UTP6: variants seen among roughly 807,000 people sequenced by gnomAD.
UTP6 encodes the protein U3 small nucleolar RNA-associated protein 6 homolog.
UTP6 carries 60 observed loss-of-function variants against 96.5 expected under a neutral mutation model. The observed-to-expected ratio is 0.62, with a 90% CI of 0.51 to 0.77. The LOEUF (loss-of-function observed/expected upper bound fraction) is 0.77. UTP6 is among the 30% of genes least tolerant of loss of function. The pLI is 0.00. For synonymous variants in UTP6, 215 were observed against 240.1 expected, an observed-to-expected ratio of 0.90 and a Z score of 0.96; for missense variants, 637 against 706.5, an observed-to-expected ratio of 0.90 and a Z score of 1.12.
Position 31,886,054 on chromosome 17 carries a change from G to A in UTP6, c.629C>T (p.Pro210Leu), listed in dbSNP as rs763880502. Reference sequence around the variant, plus strand: ...CTTAAGGATTTCTTCAGAATAATCAGGATTCTCCTAAAGAGTGTTATATCA... The same window carrying A: ...CTTAAGGATTTCTTCAGAATAATCAAGATTCTCCTAAAGAGTGTTATATCA... The part of the protein sequence containing the change: ...FEKASMDVEN[P>L]DYSEEILKGE... The change falls in exon 9 of 19, where the codon CCT (proline) becomes CTT (leucine). Residue 210 changes from proline (P) to leucine (L), a missense_variant. Pro to Leu is a moderately conservative substitution (Grantham distance 98, BLOSUM62 -3). Transcript: ENST00000261708. 9.3e-6 allele frequency: 15 copies of A among 1,613,102 alleles called. No homozygotes were observed. In the East Asian group the frequency reaches 3.3e-4, roughly 36 times the overall value.
rs529812932 is a variant in UTP6 at position 31,893,862 on chromosome 17, C to T, written c.312+783G>A. Among the ~76,000 whole-genome samples the T allele has an allele frequency of 2.0e-5, 3 of 152,156 alleles. No homozygotes were observed. The South Asian group carries it at 6.2e-4, about 32-fold the overall frequency. On this transcript the variant is annotated intron_variant, in intron 4 of 18. Transcript: ENST00000261708. ...AATTCAACCTTTCCCCCAACTCCCACTCACAATGCTCCAAAAAAACTTTGT... is the reference window on the plus strand; with the variant it reads ...AATTCAACCTTTCCCCCAACTCCCATTCACAATGCTCCAAAAAAACTTTGT...
In UTP6 at chr17:31,886,035, G is replaced by A; in HGVS notation, c.648C>T (p.Ile216=). Residue 216 remains isoleucine (I), a synonymous_variant, in exon 9 of 19, where the codon ATC becomes ATT. Coordinates refer to ENST00000261708, the MANE Select transcript of UTP6 (RefSeq NM_018428.3). Reference sequence around the variant, plus strand: ...TGATCCATGCCAACTCGCCCTTAAGGATTTCTTCAGAATAATCAGGATTCT... The same window carrying A: ...TGATCCATGCCAACTCGCCCTTAAGAATTTCTTCAGAATAATCAGGATTCT... ...DVENPDYSEE[I]LKGELAWIIY... 6.2e-7 allele frequency: 1 copy of A among 1,613,756 alleles called. No individual in the cohort carries two copies. The highest frequency in any genetic ancestry group is 8.5e-7 in the Non-Finnish European group (1 of 1,179,922).
chr17:31,878,190 A>G, intron 13 of UTP6, 60 bp downstream of exon 13: 1 of 1,562,250 alleles, frequency 6.4e-7, no homozygotes, highest in Non-Finnish European at 8.8e-7. Flanking sequence ...TGACTCTGGC[A>G]CAAAACAACT....
At chr17:31,881,171 A>C (rs542453299) in intron 10 of UTP6, among the ~76,000 whole-genome samples, 2 of 145,406 alleles carry the variant, frequency 1.4e-5, no homozygotes, top group East Asian at 4.0e-4. Flanking sequence ...ACTCTGTCTC[A>C]AAAAAAAAAA....
chr17:31,863,378 T>C lies in UTP6; in HGVS notation c.1775A>G (p.His592Arg), dbSNP rs567410999. 4 of 1,613,908 alleles carry C rather than the reference T, an allele frequency of 2.5e-6. No homozygotes were observed. In the Admixed American group the frequency reaches 5.0e-5, roughly 20 times the overall value. ...AEAFVAKHAM[H>R]QTGHL is the part of the protein sequence containing the mutation. ...TCATCTTCATAAATGGCCAGTCTGA[T>C]GCATAGCATGTTTAGCTACAAATGC... Residue 592 changes from histidine to arginine, a missense_variant, in exon 19 of 19, where the codon CAT becomes CGT. His to Arg is a conservative substitution (Grantham distance 29). Transcript: ENST00000261708.
At chr17:31,890,918 CAG>C (rs1433810266) in intron 6 of UTP6, among the ~76,000 whole-genome samples, 3 of 151,996 alleles carry the variant, frequency 2.0e-5, no homozygotes, top group Non-Finnish European at 4.4e-5. Flanking sequence ...ACCCAGGAGA[CAG>C]AGGTTGCAGT....
In UTP6 at chr17:31,873,537, T is replaced by C. The variant is rs751611508; in HGVS notation, c.1387-50A>G. 2.3e-5 allele frequency: 37 copies of C among 1,606,970 alleles called. No individual in the cohort carries two copies. In the East Asian group the frequency reaches 7.1e-4, roughly 31 times the overall value. On this transcript the variant is annotated intron_variant, in intron 15 of 18. Transcript: ENST00000261708. ...GAAGCTATGTGAGAAAACTTATAGA[T>C]ACCAAAACAGATTTTCCCAGAACCA...
At chr17:31,899,512 G>T in intron 2 of UTP6, 134 bp downstream of exon 2, 1 of 511,242 alleles carries the variant, frequency 2.0e-6, no homozygotes, top group African/African-American at 2.0e-5. Context: ...CTTGAGCCTG[G>T]AGGGCAGAGG....
chr17:31,881,084 G>A (rs971278898), intron 10 of UTP6, among the ~76,000 whole-genome samples: 3 of 151,902 alleles, frequency 2.0e-5, no homozygotes, highest in East Asian at 1.9e-4. Flanking sequence ...GCTGAGACAG[G>A]AGAATTGCTT....
intron 2 of UTP6, among the ~76,000 whole-genome samples, chr17:31,895,574 C>T (rs891640815): frequency 4.6e-5 from 7 of 152,134 alleles, no homozygotes; most frequent in African/African-American, 1.7e-4. Context: ...CCCTCTGTCG[C>T]CCAGGCTAGA....
intron 6 of UTP6, among the ~76,000 whole-genome samples, 180 bp from the exon 7 acceptor site, chr17:31,889,583 G>A (rs960939906): frequency 1.4e-5 from 2 of 144,816 alleles, no homozygotes; most frequent in Non-Finnish European, 1.5e-5. Flanking sequence ...TACAAGCTCC[G>A]CCTCCCAGGT....
chr17:31,873,788 A>G (rs766729334), intron 14 of UTP6, 35 bp from the exon 15 acceptor site: 2 of 1,583,794 alleles, frequency 1.3e-6, no homozygotes, highest in Non-Finnish European at 1.7e-6. Context: ...GTTAGAGAAC[A>G]GCATATAACA....
At chr17:31,899,809 C>T in intron 1 of UTP6, 79 bp from the exon 2 acceptor site, 1 of 1,072,004 alleles carries the variant, frequency 9.3e-7, no homozygotes, top group Non-Finnish European at 1.3e-6. Flanking sequence ...ATATTTAAAA[C>T]ATGTTTTTCA....
At chr17:31,872,856 G>A (rs1241501990) in intron 16 of UTP6, among the ~76,000 whole-genome samples, 1 of 146,844 alleles carries the variant, frequency 6.8e-6, no homozygotes, top group Non-Finnish European at 1.5e-5. Flanking sequence ...AATTAGCCGG[G>A]CGTGGTGTCA....
At chr17:31,864,230 C>G (rs1909691027) in intron 18 of UTP6, among the ~76,000 whole-genome samples, 1 of 152,032 alleles carries the variant, frequency 6.6e-6, no homozygotes, top group African/African-American at 2.4e-5. Context: ...ACTGAAAATA[C>G]AAAAATTAGC....
intron 14 of UTP6, among the ~76,000 whole-genome samples, chr17:31,874,570 G>A (rs977256144): frequency 1.3e-5 from 2 of 149,638 alleles, no homozygotes; most frequent in African/African-American, 5.0e-5. Flanking sequence ...ACCACCAAAT[G>A]AGCAGTAGTT....
chr17:31,901,638 G>A lies in UTP6; in HGVS notation c.-11C>T. On this transcript the variant is annotated 5_prime_UTR_variant, in exon 1 of 19. Coordinates refer to ENST00000261708, the MANE Select transcript of UTP6 (RefSeq NM_018428.3). ...AATTATCTCTGCCATGAGGTCCGAG[G>A]TCTACAACCCCGCGGGTAGCTTCTC... 1 of 1,612,784 alleles carries A rather than the reference G, an allele frequency of 6.2e-7. No homozygotes were observed. Among genetic ancestry groups the A allele is most frequent in the Non-Finnish European group, 8.5e-7 (1 of 1,179,880 alleles).
At chr17:31,869,740 CT>C (rs1910045199) in intron 16 of UTP6, among the ~76,000 whole-genome samples, 1 of 152,136 alleles carries the variant, frequency 6.6e-6, no homozygotes, top group African/African-American at 2.4e-5. Flanking sequence ...TTGCGTGACA[CT>C]GAGGTTTGGG....
intron 16 of UTP6, 84 bp downstream of exon 16, chr17:31,873,294 C>T: frequency 7.9e-7 from 1 of 1,259,714 alleles, no homozygotes; most frequent in East Asian, 2.3e-5. Context: ...CCCTCAGATG[C>T]TATCTGTGAT....
Sources: gnomAD v4.1 joint callset for allele counts (sites outside exome capture counted in the v4.1 genomes callset) on GRCh38, gnomAD v4.1.1 for gene constraint, MANE v1.5 for transcripts, NCBI Gene and HGNC (gene_info 2026-07-23, HGNC 2026-07-21) for gene names.